Variants in LPIN1 observed in about 807,000 individuals in gnomAD.
LPIN1 encodes the protein phosphatidate phosphatase LPIN1.
LPIN1 carries 71 observed loss-of-function variants against 107.5 expected under a neutral mutation model. The observed-to-expected ratio is 0.66, with a 90% CI of 0.55 to 0.80. The LOEUF (loss-of-function observed/expected upper bound fraction) is 0.80, where lower values mean the gene tolerates loss of function less well. Among genes scored for constraint, LPIN1 ranks in the 30% least tolerant of loss-of-function variants. The probability of loss-of-function intolerance (pLI) is 0.00; values close to 1 mark genes in which losing one functional copy is unlikely to be tolerated. For missense variants in LPIN1, 1,043 were observed against 1,160.6 expected (o/e 0.90, Z 1.47); for synonymous variants, 445 against 452.6 (o/e 0.98, Z 0.21).
rs34156190 is a variant in LPIN1 at position 11,752,433 on chromosome 2, A to ATTTTTTTTTTT, written c.-10+5768_-10+5778dup. ...TTTTCTTTTGAGCTGTTCCAAGGCC[A>ATTTTTTTTTTT]TTTTTTTTTTTTTTTTGAGACGGAG... On this transcript the variant is annotated intron_variant, in intron 1 of 20. Coordinates refer to ENST00000674199, the MANE Select transcript of LPIN1 (RefSeq NM_001349206.2). Among the ~76,000 whole-genome samples, 471 of 103,728 alleles carry ATTTTTTTTTTT rather than the reference A, an allele frequency of 4.5e-3. 30 individuals are homozygous for ATTTTTTTTTTT. Among genetic ancestry groups the ATTTTTTTTTTT allele is most frequent in the African/African-American group, 6.6e-3 (116 of 17,690 alleles). The allele number at this position is 103,728 out of a possible 152,430, so 68.0% of individuals were successfully genotyped here.
chr2:11,809,909 A>T (rs566577083), intron 17 of LPIN1, among the ~76,000 whole-genome samples: 112 of 152,270 alleles, frequency 7.4e-4, no homozygotes, highest in African/African-American at 2.6e-3. Flanking sequence ...GGGCCCTGGG[A>T]CCGAGTACCT....
At position 11,731,329 on chromosome 2, in the gene LPIN1, G is replaced by A. The variant is rs556237162; in HGVS notation, c.-72+6790G>A. On this transcript the variant is annotated intron_variant, in intron 1 of 21. Coordinates refer to the LPIN1 transcript ENST00000396097. ...ACTTATGAGTGAGAACATGCAGTTT[G>A]TTTTCTGTTCCCGTGTTAGTTTGCT... Among the ~76,000 whole-genome samples the A allele has an allele frequency of 5.9e-5, 9 of 151,906 alleles. No individual in the cohort carries two copies. In the South Asian group the frequency reaches 1.9e-3, roughly 32 times the overall value.
intron 1 of LPIN1, among the ~76,000 whole-genome samples, chr2:11,755,325 T>C (rs924172049): frequency 5.3e-5 from 8 of 152,278 alleles, no homozygotes; most frequent in Non-Finnish European, 1.0e-4. Flanking sequence ...CTTGCCAAGC[T>C]ACTTTGAGGG....
chr2:11,754,970 C>T (rs1042996890), intron 1 of LPIN1, among the ~76,000 whole-genome samples: 9 of 151,280 alleles, frequency 5.9e-5, no homozygotes, highest in African/African-American at 2.2e-4. Context: ...TTCTTCATTT[C>T]TTCTAATTTT....
At chr2:11,782,557 C>T (rs1300017217) in intron 8 of LPIN1, 50 bp downstream of exon 8, 3 of 1,603,862 alleles carry the variant, frequency 1.9e-6, no homozygotes, top group East Asian at 2.2e-5. Flanking sequence ...AGTTTGTGCT[C>T]ACTCTACACA....
chr2:11,758,829 C>A (rs1420605147), intron 1 of LPIN1, among the ~76,000 whole-genome samples: 2 of 152,224 alleles, frequency 1.3e-5, no homozygotes, highest in Non-Finnish European at 2.9e-5. Context: ...CTGTCTTTGC[C>A]ATGGGGGGAG....
chr2:11,813,242 T>A (rs960016566), intron 17 of LPIN1, among the ~76,000 whole-genome samples: 1 of 152,096 alleles, frequency 6.6e-6, no homozygotes, highest in African/African-American at 2.4e-5. Flanking sequence ...GTCCATGCAT[T>A]TGGGAGATAT....
At chr2:11,682,272 A>G (rs1404756742) in intron 1 of LPIN1, 1 of 152,406 alleles carries the variant, frequency 6.6e-6, no homozygotes, top group African/African-American at 2.4e-5. Context: ...AAACCCAACC[A>G]CAGTGTCTGA....
intron 13 of LPIN1, among the ~76,000 whole-genome samples, chr2:11,793,857 T>C (rs778924850): frequency 1.9e-4 from 29 of 152,214 alleles, no homozygotes; most frequent in Non-Finnish European, 3.5e-4. Flanking sequence ...GCAGAGACCA[T>C]ATATGGCTTT....
chr2:11,771,229 G>A lies in LPIN1; in HGVS notation c.289-143G>A, dbSNP rs1300321193. 3.1e-5 allele frequency: 23 copies of A among 739,440 alleles called. No individual in the cohort carries two copies. Among genetic ancestry groups the A allele is most frequent in the Non-Finnish European group, 5.4e-5 (23 of 428,748 alleles). The allele number at this position is 739,440 out of a possible 1,614,324, so 45.8% of individuals were successfully genotyped here. ...GCCACATCTCCAGGTCACCATGGCT[G>A]TGGCCTCTAGCTGGGCCATCTGCTG... On this transcript the variant is annotated intron_variant, in intron 3 of 20. Transcript: ENST00000674199. This position sits in a 1 kb window ranked among gnomAD's most constrained non-coding sequence, Gnocchi z 4.8.
At chr2:11,750,061 G>A (rs1198928244) in intron 1 of LPIN1, among the ~76,000 whole-genome samples, 1 of 152,110 alleles carries the variant, frequency 6.6e-6, no homozygotes, top group Non-Finnish European at 1.5e-5. Flanking sequence ...CCATTTGCCT[G>A]CTGGCACGCA....
intron 14 of LPIN1, among the ~76,000 whole-genome samples, chr2:11,800,022 A>G (rs1417698947): frequency 6.6e-6 from 1 of 151,988 alleles, no homozygotes; most frequent in Non-Finnish European, 1.5e-5. Context: ...TTTTCCTTCA[A>G]CTCAGCCTCC....
At chr2:11,808,578 A>T (rs1679113853) in intron 17 of LPIN1, among the ~76,000 whole-genome samples, 1 of 152,150 alleles carries the variant, frequency 6.6e-6, no homozygotes, top group African/African-American at 2.4e-5. Context: ...TGTCTAATGA[A>T]AAAGCCAATC....
At chr2:11,716,709 G>A (rs573993327) in intron 2 of LPIN1, among the ~76,000 whole-genome samples, 1 of 152,200 alleles carries the variant, frequency 6.6e-6, no homozygotes, top group Non-Finnish European at 1.5e-5. Flanking sequence ...TTGAGGGAAA[G>A]TTTTTCTAAG....
chr2:11,734,317 C>G (rs1369202833), intron 1 of LPIN1, among the ~76,000 whole-genome samples: 1 of 151,564 alleles, frequency 6.6e-6, no homozygotes, highest in Admixed American at 6.6e-5. Context: ...TCCTCACTCA[C>G]GCCCTTTGAG....
chr2:11,709,564 T>G (rs1663300295), intron 1 of LPIN1, among the ~76,000 whole-genome samples: 1 of 152,234 alleles, frequency 6.6e-6, no homozygotes, highest in South Asian at 2.1e-4. Flanking sequence ...CCAACCATAA[T>G]GCTTTTAGGT....
At chr2:11,721,340 T>C (rs949001392), upstream of LPIN1, among the ~76,000 whole-genome samples, 1 of 151,074 alleles carries the variant, frequency 6.6e-6, no homozygotes, top group African/African-American at 2.4e-5. Context: ...GATCTGTGCC[T>C]GTGAAGTCAC....
At position 11,766,768 on chromosome 2, in the gene LPIN1, C is replaced by CAA. The variant is rs781428248; in HGVS notation, c.193-994_193-993insAA. Among the ~76,000 whole-genome samples the CAA allele has an allele frequency of 3.7e-4, 29 of 78,758 alleles. No individual in the cohort carries two copies. In the African/African-American group the frequency reaches 4.0e-3, roughly 11 times the overall value. 51.7% of individuals were successfully genotyped at this position (78,758 alleles called of 152,430 possible). On this transcript the variant is annotated intron_variant, in intron 2 of 20. Coordinates refer to ENST00000674199, the MANE Select transcript of LPIN1 (RefSeq NM_001349206.2). ...GGGCTCTTATCAGGCAAAAAACAAACACAAACAAACAAACAAACAAACAAA... is the reference window on the plus strand; with the variant it reads ...GGGCTCTTATCAGGCAAAAAACAAACAAACAAACAAACAAACAAACAAACAAA...
At chr2:11,698,301 A>C (rs1662690254) in intron 1 of LPIN1, among the ~76,000 whole-genome samples, 1 of 152,146 alleles carries the variant, frequency 6.6e-6, no homozygotes, top group African/African-American at 2.4e-5. Context: ...ATGCTTTGGG[A>C]GAAGGCACTG....
Sources: gnomAD v4.1 joint callset for allele counts (sites outside exome capture counted in the v4.1 genomes callset) on GRCh38, gnomAD v4.1.1 for gene constraint, Gnocchi (gnomAD v3.1) non-coding constraint, MANE v1.5 for transcripts, NCBI Gene and HGNC (gene_info 2026-07-23, HGNC 2026-07-21) for gene names.